PDE1A: variants seen among roughly 807,000 people sequenced by gnomAD.
The protein encoded by PDE1A is dual specificity calcium/calmodulin-dependent 3',5'-cyclic nucleotide phosphodiesterase 1A.
PDE1A carries 35 observed loss-of-function variants against 61.7 expected under a neutral mutation model. That is an observed-to-expected ratio of 0.57 (90% CI 0.43 to 0.75). The LOEUF (loss-of-function observed/expected upper bound fraction) is 0.75, where lower values mean the gene tolerates loss of function less well. Ranked by LOEUF, PDE1A falls within the 30% of genes least tolerant of loss-of-function variation. The pLI, the probability that PDE1A is intolerant of heterozygous loss-of-function variation, is 0.00. For missense variants in PDE1A, 597 were observed against 630.6 expected, an observed-to-expected ratio of 0.95 and a Z score of 0.57; for synonymous variants, 232 against 213.2, an observed-to-expected ratio of 1.09 and a Z score of -0.77.
At chr2:182,297,447 T>C (rs963606819) in intron 1 of PDE1A, among the ~76,000 whole-genome samples, 5 of 152,216 alleles carry the variant, frequency 3.3e-5, no homozygotes, top group African/African-American at 1.2e-4. Flanking sequence ...TTAAATTGGA[T>C]TGGGGCTCAT....
the PDE1A span, among the ~76,000 whole-genome samples, chr2:182,673,049 C>T: frequency 1.3e-5 from 2 of 152,092 alleles, no homozygotes; most frequent in Non-Finnish European, 1.5e-5. Context: ...GTAATTTTTC[C>T]GGTGTAAAAG....
intron 2 of PDE1A, among the ~76,000 whole-genome samples, chr2:182,474,119 T>C (rs1687210973): frequency 6.6e-6 from 1 of 151,986 alleles, no homozygotes. Context: ...TATATAAGCG[T>C]TCTTTAAATT....
intron 2 of PDE1A, among the ~76,000 whole-genome samples, chr2:182,435,789 C>T (rs1406889163): frequency 6.6e-6 from 1 of 151,968 alleles, no homozygotes; most frequent in Non-Finnish European, 1.5e-5. Flanking sequence ...AGCTTTCCTC[C>T]GTATTTTAAG....
At chr2:182,544,370 C>A in the PDE1A span, among the ~76,000 whole-genome samples, 1 of 152,192 alleles carries the variant, frequency 6.6e-6, no homozygotes, top group African/African-American at 2.4e-5. Flanking sequence ...GTTTTAGTAT[C>A]TTTTCTACAG....
At chr2:182,568,079 G>A in the PDE1A span, among the ~76,000 whole-genome samples, 1 of 152,034 alleles carries the variant, frequency 6.6e-6, no homozygotes, top group Non-Finnish European at 1.5e-5. Context: ...GATTACAGGT[G>A]CAAGTCACTG....
At chr2:182,192,370 ATTT>A (rs924588998) in intron 10 of PDE1A, among the ~76,000 whole-genome samples, 1 of 152,064 alleles carries the variant, frequency 6.6e-6, no homozygotes, top group African/African-American at 2.4e-5. Flanking sequence ...TATTTAATTT[ATTT>A]ATAAATATTT....
chr2:182,190,879 C>T (rs1296079761), intron 10 of PDE1A, among the ~76,000 whole-genome samples: 1 of 151,960 alleles, frequency 6.6e-6, no homozygotes, highest in African/African-American at 2.4e-5. Context: ...TCACTTGAAC[C>T]CAAGAGGTAG....
chr2:182,217,617 C>G (rs1326517514), intron 7 of PDE1A, among the ~76,000 whole-genome samples: 2 of 144,974 alleles, frequency 1.4e-5, no homozygotes, highest in African/African-American at 5.2e-5. Flanking sequence ...AGGACATGAA[C>G]AGACACTTCT....
intron 8 of PDE1A, among the ~76,000 whole-genome samples, chr2:182,202,125 A>G (rs1166426182): frequency 6.6e-6 from 1 of 152,192 alleles, no homozygotes; most frequent in Non-Finnish European, 1.5e-5. Context: ...GCCATTTTAA[A>G]GAAAAACTAT....
At chr2:182,522,461 T>G in intron 1 of PDE1A, 1 of 1,590,366 alleles carries the variant, frequency 6.3e-7, no homozygotes, top group East Asian at 2.2e-5. Flanking sequence ...TCTTACACAC[T>G]TATACAGTAG....
chr2:182,673,092 T>C, the PDE1A span, among the ~76,000 whole-genome samples: 2 of 152,214 alleles, frequency 1.3e-5, no homozygotes, highest in African/African-American at 4.8e-5. Flanking sequence ...GGTCCTCACA[T>C]GTTTTTGTGG....
At chr2:182,428,457 A>G (rs1013672285), upstream of PDE1A, among the ~76,000 whole-genome samples, 1 of 152,138 alleles carries the variant, frequency 6.6e-6, no homozygotes, top group Non-Finnish European at 1.5e-5. Flanking sequence ...TATATTATGT[A>G]TAACATATTT....
intron 10 of PDE1A, among the ~76,000 whole-genome samples, chr2:182,194,915 ACAC>A (rs1686013503): frequency 6.9e-6 from 1 of 144,910 alleles, no homozygotes; most frequent in Non-Finnish European, 1.5e-5. Context: ...ACACACACAC[ACAC>A]GAACCTTTCT....
the PDE1A span, among the ~76,000 whole-genome samples, chr2:182,714,362 A>G: frequency 6.6e-6 from 1 of 152,030 alleles, no homozygotes; most frequent in Admixed American, 6.6e-5. Flanking sequence ...TTTTTCTCCA[A>G]TCTAGACATT....
intron 1 of PDE1A, among the ~76,000 whole-genome samples, chr2:182,332,284 T>C (rs1353677387): frequency 1.3e-5 from 2 of 152,162 alleles, no homozygotes; most frequent in Non-Finnish European, 2.9e-5. Context: ...CTTTCTTGCA[T>C]TGGGTTAGAA....
chr2:182,533,074 G>A, the PDE1A span, among the ~76,000 whole-genome samples: 21 of 152,014 alleles, frequency 1.4e-4, no homozygotes, highest in Admixed American at 7.2e-4. Flanking sequence ...CACTTTGGGA[G>A]GCCAAAGCCG....
At position 182,398,231 on chromosome 2, in the gene PDE1A, G is replaced by C. The variant is rs183670644; in HGVS notation, c.53+28347C>G. On this transcript the variant is annotated intron_variant, in intron 1 of 13. Coordinates refer to ENST00000351439, the Ensembl canonical transcript of PDE1A. ...ACAGTCTTGAATTATGATCACTTAA[G>C]AGGCAGACAGATATTTAATATTCAT... Among the ~76,000 whole-genome samples, 40 of 149,804 alleles carry C rather than the reference G, an allele frequency of 2.7e-4. No homozygotes were observed. The East Asian group carries it at 6.6e-3, about 25-fold the overall frequency.
intron 3 of PDE1A, 92 bp from the exon 4 acceptor site, chr2:182,234,590 C>A: frequency 2.5e-6 from 2 of 794,446 alleles, no homozygotes; most frequent in Non-Finnish European, 4.2e-6. Flanking sequence ...TTACTTTTGA[C>A]ATGTTCACCT....
chr2:182,316,094 G>A (rs1696322840), intron 1 of PDE1A, among the ~76,000 whole-genome samples: 1 of 152,148 alleles, frequency 6.6e-6, no homozygotes, highest in South Asian at 2.1e-4. Context: ...CTGGTTGGAG[G>A]ACCTTGCTAA....
Sources: gnomAD v4.1 joint callset for allele counts (sites outside exome capture counted in the v4.1 genomes callset) on GRCh38, gnomAD v4.1.1 for gene constraint, MANE v1.5 for transcripts, NCBI Gene and HGNC (gene_info 2026-07-23, HGNC 2026-07-21) for gene names.